RSF1: variants seen among roughly 807,000 people sequenced by gnomAD.
RSF1 encodes remodeling and spacing factor 1, also known as HBV pX-associated protein 8.
In RSF1, 13 loss-of-function variants were observed where a neutral mutation model predicts 145.2. The ratio of observed to expected loss-of-function variants is 0.09; its 90% CI spans 0.06 to 0.14. The LOEUF is 0.14. Among genes scored for constraint, RSF1 ranks in the 10% least tolerant of loss-of-function variants. The pLI, the probability that RSF1 is intolerant of heterozygous loss-of-function variation, is 1.00. For synonymous variants in RSF1, 577 were observed against 592.6 expected (o/e 0.97, Z 0.38); for missense variants, 1,517 against 1,718.2 (o/e 0.88, Z 2.07).
At chr11:77,863,385 G>A in the RSF1 span, among the ~76,000 whole-genome samples, 1 of 152,166 alleles carries the variant, frequency 6.6e-6, no homozygotes, top group African/African-American at 2.4e-5. Context: ...CTCAGCTCGA[G>A]CCATAACAAA....
At chr11:77,669,977 A>C (rs960052965) in intron 15 of RSF1, among the ~76,000 whole-genome samples, 1 of 152,198 alleles carries the variant, frequency 6.6e-6, no homozygotes, top group Non-Finnish European at 1.5e-5. Flanking sequence ...AAATAAATTT[A>C]AAAATTAGCA....
At chr11:77,704,598 G>A (rs1050219942) in intron 5 of RSF1, among the ~76,000 whole-genome samples, 7 of 152,128 alleles carry the variant, frequency 4.6e-5, no homozygotes, top group African/African-American at 1.7e-4. Flanking sequence ...TTTAGCTAGT[G>A]ATGCATCTTT....
rs760644524 is a variant in RSF1 at position 77,740,748 on chromosome 11, T to C, written c.561A>G (p.Ser187=). The C allele has an allele frequency of 3.1e-6, 5 of 1,613,896 alleles. No homozygotes were observed. The highest frequency in any genetic ancestry group is 1.1e-5 in the South Asian group (1 of 91,076). Residue 187 remains serine (S), a synonymous_variant, in exon 4 of 16, where the codon TCA becomes TCG. Transcript: ENST00000308488. The part of the protein sequence containing the change: ...IEEQDDQDGS[S]WKCIVRNRNE... ...AAAGATACCTGACAATGCATTTCCA[T>C]GAAGAGCCATCTTGATCATCTTGTT...
At position 77,702,265 on chromosome 11, in the gene RSF1, T is replaced by C. The variant is rs1427285329; in HGVS notation, c.964A>G (p.Ile322Val). ...CTACATTCCTTCACCTCAACTTTAA[T>C]GGGTTTGACATTTTCCTTGAAGGAA... is the stretch of plus-strand genomic sequence containing the variant. ...SDSFKENVKP[I>V]KVEVKECRAD... The change falls in exon 6 of 16, where the codon ATT (isoleucine) becomes GTT (valine). Residue 322 changes from isoleucine to valine, a missense_variant. Physicochemically the swap from Ile to Val is conservative, Grantham distance 29 (BLOSUM62 3). Transcript: ENST00000308488. The C allele has an allele frequency of 1.2e-6, 2 of 1,610,310 alleles. No individual in the cohort carries two copies. The highest frequency in any genetic ancestry group is 1.3e-5 in the African/African-American group (1 of 74,650).
At chr11:77,808,867 C>T (rs11237302) in intron 1 of RSF1, among the ~76,000 whole-genome samples, 2 of 152,116 alleles carry the variant, frequency 1.3e-5, no homozygotes, top group South Asian at 4.1e-4. Flanking sequence ...AATGTTCATG[C>T]TAATAAAATT....
At chr11:77,772,954 T>C (rs1400984854) in intron 1 of RSF1, among the ~76,000 whole-genome samples, 1 of 150,640 alleles carries the variant, frequency 6.6e-6, no homozygotes, top group Non-Finnish European at 1.5e-5. Flanking sequence ...GATGAAGGAA[T>C]AGTTCACAAG....
chr11:77,801,743 C>G (rs1156614691), intron 1 of RSF1, among the ~76,000 whole-genome samples: 2 of 152,048 alleles, frequency 1.3e-5, no homozygotes, highest in African/African-American at 4.8e-5. Flanking sequence ...ACCAGGAAGA[C>G]CAAGCCATGA....
At chr11:77,869,956 C>G in the RSF1 span, 1 of 688,394 alleles carries the variant, frequency 1.5e-6, no homozygotes, top group Non-Finnish European at 2.5e-6. Flanking sequence ...GCAGTGGCTG[C>G]ACACATTCCT....
At chr11:77,840,257 A>T in the RSF1 span, among the ~76,000 whole-genome samples, 1 of 152,156 alleles carries the variant, frequency 6.6e-6, no homozygotes, top group African/African-American at 2.4e-5. Context: ...AGTATCTTTA[A>T]GTGGCTCACG....
At chr11:77,826,052 T>C in the RSF1 span, among the ~76,000 whole-genome samples, 1 of 152,152 alleles carries the variant, frequency 6.6e-6, no homozygotes, top group African/African-American at 2.4e-5. Flanking sequence ...TAAGATTGGT[T>C]TCTCCGATGG....
chr11:77,667,138 G>A lies in RSF1; in HGVS notation c.4105C>T (p.Pro1369Ser), dbSNP rs1959383228. The A allele has an allele frequency of 1.2e-6, 2 of 1,614,072 alleles. No individual in the cohort carries two copies. Among genetic ancestry groups the A allele is most frequent in the Admixed American group, 1.7e-5 (1 of 60,012 alleles). ...SPLDYSLVDL[P>S]STNGQSPGKA... ...CCAGGGCTCTGTCCATTGGTTGAAG[G>A]TAAGTCCACTAAGCTATAGTCCAAT... The change falls in exon 16 of 16, where the codon CCT becomes TCT. Residue 1369 changes from proline (P) to serine (S), a missense_variant. Pro to Ser is a moderately conservative substitution (Grantham distance 74). This residue lies in a region of RSF1 where 240 missense variants were observed against 231.8 expected (regional missense o/e 1.04). Coordinates refer to ENST00000308488, the MANE Select transcript of RSF1 (RefSeq NM_016578.4).
chr11:77,835,622 T>C, the RSF1 span, among the ~76,000 whole-genome samples: 1 of 152,148 alleles, frequency 6.6e-6, no homozygotes, highest in African/African-American at 2.4e-5. Flanking sequence ...TAATAGTTGT[T>C]GAGTCTAAAG....
At chr11:77,686,849 T>C (rs1960023650) in intron 9 of RSF1, among the ~76,000 whole-genome samples, 1 of 152,196 alleles carries the variant, frequency 6.6e-6, no homozygotes, top group South Asian at 2.1e-4. Context: ...CCACATTATA[T>C]ACTTCCTCAT....
chr11:77,742,506 T>C (rs1947952331), intron 3 of RSF1, among the ~76,000 whole-genome samples: 1 of 152,128 alleles, frequency 6.6e-6, no homozygotes, highest in South Asian at 2.1e-4. Context: ...TCTTGATCTC[T>C]TAACCTCGTG....
At chr11:77,739,373 A>C (rs1961450416) in intron 4 of RSF1, 1 of 152,468 alleles carries the variant, frequency 6.6e-6, no homozygotes, top group Non-Finnish European at 1.5e-5. Flanking sequence ...TAACAGAAAC[A>C]GTGGTATAAT....
chr11:77,660,171 A>T lies in RSF1; in HGVS notation c.*6746T>A, dbSNP rs1959218550. On this transcript the variant is annotated 3_prime_UTR_variant, in exon 16 of 16. Transcript: ENST00000308488. ...ACACCAAGAGTTCTGATCAGACTGT[A>T]GTGAGACACTGAACATTTCATTAAC... 1 of 152,192 alleles carries T rather than the reference A, an allele frequency of 6.6e-6. No homozygotes were observed. Among genetic ancestry groups the T allele is most frequent in the African/African-American group, 2.4e-5 (1 of 41,458 alleles). The allele number at this position is 152,192 out of a possible 1,614,324, so 9.4% of individuals were successfully genotyped here. A position where few individuals can be genotyped will look rare whatever the true frequency, so the allele number is the denominator to read the frequency against.
intron 1 of RSF1, among the ~76,000 whole-genome samples, chr11:77,781,689 A>T (rs542641128): frequency 1.3e-5 from 2 of 152,340 alleles, no homozygotes; most frequent in South Asian, 4.1e-4. Flanking sequence ...AAATATCAAT[A>T]ATATCATTTA....
At chr11:77,718,894 A>G (rs1008311322) in intron 5 of RSF1, among the ~76,000 whole-genome samples, 2 of 152,234 alleles carry the variant, frequency 1.3e-5, no homozygotes, top group African/African-American at 4.8e-5. Flanking sequence ...CTTAAGCTTT[A>G]TATCTGACAT....
intron 11 of RSF1, among the ~76,000 whole-genome samples, chr11:77,681,401 AT>A (rs943021835): frequency 1.3e-5 from 2 of 151,670 alleles, no homozygotes; most frequent in African/African-American, 4.8e-5. Context: ...CTTATGTGCA[AT>A]TTCCTTCCTT....
Sources: gnomAD v4.1 joint callset for allele counts (sites outside exome capture counted in the v4.1 genomes callset) on GRCh38, gnomAD v4.1.1 for gene constraint, gnomAD v4.1.1 regional missense constraint, MANE v1.5 for transcripts, NCBI Gene and HGNC (gene_info 2026-07-23, HGNC 2026-07-21) for gene names.